The following SGCD variants were observed in gnomAD, a reference collection of about 807,000 sequenced individuals.
The protein encoded by SGCD is delta-sarcoglycan.
A neutral mutation model predicts 36.6 loss-of-function variants in SGCD; 18 were observed. The observed-to-expected ratio is 0.49, with a 90% CI of 0.34 to 0.73. SGCD has a LOEUF of 0.73. Among genes scored for constraint, SGCD ranks in the 30% least tolerant of loss-of-function variants. The pLI, the probability that SGCD is intolerant of heterozygous loss-of-function variation, is 0.01. For missense variants in SGCD, 387 were observed against 346.7 expected, an observed-to-expected ratio of 1.12 and a Z score of -0.92; for synonymous variants, 133 against 130.6, an observed-to-expected ratio of 1.02 and a Z score of -0.12.
intron 1 of SGCD, among the ~76,000 whole-genome samples, chr5:155,971,546 T>C (rs1243994597): frequency 2.0e-5 from 3 of 152,154 alleles, no homozygotes; most frequent in African/African-American, 7.2e-5. Context: ...GATTAGCCTA[T>C]TGTTTCATAA....
At chr5:155,946,267 C>A (rs2113420840) in intron 1 of SGCD, among the ~76,000 whole-genome samples, 1 of 152,212 alleles carries the variant, frequency 6.6e-6, no homozygotes, top group Non-Finnish European at 1.5e-5. Flanking sequence ...ATTATCATAA[C>A]CACCTTGCAA....
rs1281390201 is a variant in SGCD at position 156,196,645 on chromosome 5, T to C, written c.-44+72626T>C. ...AAAGTTGGAGATGTGTCTTTGTCTT[T>C]CAACACTAGTGGATATTTGGCCTTA... On this transcript the variant is annotated intron_variant, in intron 3 of 9. Transcript: ENST00000517913. 2.6e-5 allele frequency among the ~76,000 whole-genome samples: 4 copies of C among 152,346 alleles called. No individual in the cohort carries two copies. In the East Asian group the frequency reaches 5.8e-4, roughly 22 times the overall value.
chr5:156,477,785 T>A (rs1013511145), intron 3 of SGCD, among the ~76,000 whole-genome samples: 8 of 151,478 alleles, frequency 5.3e-5, no homozygotes, highest in African/African-American at 1.9e-4. Context: ...AAAGGTAAAA[T>A]GGGCAGCTAA....
intron 1 of SGCD, among the ~76,000 whole-genome samples, chr5:155,995,292 A>AT (rs1398442193): frequency 6.6e-6 from 1 of 152,108 alleles, no homozygotes; most frequent in East Asian, 1.9e-4. Flanking sequence ...TCTCTTTTCT[A>AT]TTTTTTTAAA....
chr5:156,753,647 T>C (rs911505660), intron 7 of SGCD, among the ~76,000 whole-genome samples: 1 of 152,172 alleles, frequency 6.6e-6, no homozygotes, highest in African/African-American at 2.4e-5. Context: ...CTTACAATCA[T>C]GGTGGAAGGT....
At chr5:156,472,408 A>G (rs1427936699) in intron 3 of SGCD, among the ~76,000 whole-genome samples, 3 of 152,192 alleles carry the variant, frequency 2.0e-5, no homozygotes, top group African/African-American at 7.2e-5. Flanking sequence ...AATATATACA[A>G]TGACACAGAT....
chr5:156,201,484 C>T (rs748767666), intron 3 of SGCD, among the ~76,000 whole-genome samples: 6 of 152,118 alleles, frequency 3.9e-5, no homozygotes, highest in African/African-American at 7.2e-5. Context: ...AGATGTCTTA[C>T]GTTGACATTA....
intron 4 of SGCD, among the ~76,000 whole-genome samples, chr5:156,555,373 A>T (rs1296030695): frequency 6.6e-6 from 1 of 152,110 alleles, no homozygotes; most frequent in Admixed American, 6.6e-5. Flanking sequence ...TAAATCTTCA[A>T]TCCATTTTGA....
At chr5:155,919,828 T>C (rs763373697) in intron 1 of SGCD, among the ~76,000 whole-genome samples, 62 of 152,156 alleles carry the variant, frequency 4.1e-4, no homozygotes, top group Non-Finnish European at 7.5e-4. Context: ...ATTTGGCGAG[T>C]GCTTACTGTA....
At chr5:155,752,256 T>C in the SGCD span, among the ~76,000 whole-genome samples, 1 of 152,188 alleles carries the variant, frequency 6.6e-6, no homozygotes, top group African/African-American at 2.4e-5. Context: ...ATCTGATCAG[T>C]GCATGCTAGA....
chr5:156,686,986 A>C (rs1315625171), intron 7 of SGCD, among the ~76,000 whole-genome samples: 1 of 152,202 alleles, frequency 6.6e-6, no homozygotes, highest in East Asian at 1.9e-4. Flanking sequence ...TGCTCCAAGC[A>C]GCTCTTTGCA....
chr5:156,552,773 G>C (rs1204626269), intron 4 of SGCD, among the ~76,000 whole-genome samples: 1 of 152,142 alleles, frequency 6.6e-6, no homozygotes. Flanking sequence ...GTAGGGCACA[G>C]CTGTCCTCTG....
intron 3 of SGCD, among the ~76,000 whole-genome samples, chr5:156,384,041 G>A (rs980391816): frequency 1.3e-5 from 2 of 152,082 alleles, no homozygotes; most frequent in African/African-American, 2.4e-5. Context: ...TATGTATTTC[G>A]GTGTGTACAT....
intron 1 of SGCD, among the ~76,000 whole-genome samples, chr5:155,937,193 T>A (rs1757225073): frequency 6.6e-6 from 1 of 152,152 alleles, no homozygotes; most frequent in African/African-American, 2.4e-5. Flanking sequence ...GCTGCAGCTG[T>A]GCTTGGGAGG....
At chr5:156,585,603 G>A (rs1760459206) in intron 4 of SGCD, among the ~76,000 whole-genome samples, 1 of 152,210 alleles carries the variant, frequency 6.6e-6, no homozygotes, top group Non-Finnish European at 1.5e-5. Flanking sequence ...AAGAGTGCTT[G>A]TGCAGAGAGA....
At chr5:156,264,808 T>A (rs1765959424) in intron 3 of SGCD, among the ~76,000 whole-genome samples, 1 of 152,164 alleles carries the variant, frequency 6.6e-6, no homozygotes, top group Non-Finnish European at 1.5e-5. Context: ...TTTGTCAATT[T>A]TGTTCACTGC....
At chr5:156,670,158 A>G (rs1034943647) in intron 7 of SGCD, among the ~76,000 whole-genome samples, 11 of 152,138 alleles carry the variant, frequency 7.2e-5, no homozygotes, top group African/African-American at 2.7e-4. Flanking sequence ...ATATGAAAAA[A>G]CCCAAAAAGA....
At chr5:155,741,466 C>G in the SGCD span, among the ~76,000 whole-genome samples, 1 of 152,028 alleles carries the variant, frequency 6.6e-6, no homozygotes, top group Non-Finnish European at 1.5e-5. Flanking sequence ...TCAGGGCCTA[C>G]TATCTGTCAT....
intron 3 of SGCD, among the ~76,000 whole-genome samples, chr5:156,375,782 TA>T (rs1770631326): frequency 3.3e-5 from 5 of 152,214 alleles, no homozygotes; most frequent in African/African-American, 1.2e-4. Context: ...TCAAATTCTC[TA>T]AGTTAATTGA....
Sources: allele counts gnomAD v4.1 joint callset (sites outside exome capture counted in the v4.1 genomes callset), GRCh38; gene constraint gnomAD v4.1.1; transcripts MANE v1.5; gene names NCBI Gene and HGNC (gene_info 2026-07-23, HGNC 2026-07-21).